PRKCQ: variants seen among roughly 807,000 people sequenced by gnomAD.
The protein encoded by PRKCQ is protein kinase C theta.
Under a neutral mutation model 91.2 loss-of-function variants are expected in PRKCQ, and 41 were observed. That is an observed-to-expected ratio of 0.45 (90% CI 0.35 to 0.58). PRKCQ has a LOEUF of 0.58. Ranked by LOEUF, PRKCQ falls within the 20% of genes least tolerant of loss-of-function variation. The pLI, the probability that PRKCQ is intolerant of heterozygous loss-of-function variation, is 0.00. For synonymous variants in PRKCQ, 307 were observed against 316.9 expected, an observed-to-expected ratio of 0.97 and a Z score of 0.33; for missense variants, 673 against 896.5, an observed-to-expected ratio of 0.75 and a Z score of 3.18.
intron 16 of PRKCQ, among the ~76,000 whole-genome samples, chr10:6,439,832 G>A (rs1833877933): frequency 6.6e-6 from 1 of 152,328 alleles, no homozygotes; most frequent in African/African-American, 2.4e-5. Context: ...GGACTCAAAA[G>A]CTATATGCAG....
At position 6,467,385 on chromosome 10, in the gene PRKCQ, CAGACAGAGAGAGAGAGAG is replaced by C. The variant is rs1835733213; in HGVS notation, c.1354-2999_1354-2982del. Among the ~76,000 whole-genome samples the C allele has an allele frequency of 1.8e-4, 7 of 39,498 alleles. No homozygotes were observed. The East Asian group carries it at 4.6e-3, about 26-fold the overall frequency. 25.9% of individuals were successfully genotyped at this position (39,498 alleles called of 152,430 possible). On this transcript the variant is annotated intron_variant, in intron 12 of 17. Transcript: ENST00000263125. ...AGAGAGAGAGAGAGACAGAGAGAGA[CAGACAGAGAGAGAGAGAG>C]AGAGAGAGAGAGAGAGAGAGAGAGA...
Position 6,465,798 on chromosome 10 carries a change from C to T in PRKCQ, c.1354-1394G>A, listed in dbSNP as rs986986246. The stretch of plus-strand genomic sequence containing the variant: ...AATAATCCAGGTCAAGGTAAGCATC[C>T]GTCTTTTTTCAATGTTAGTTTCCGA... On this transcript the variant is annotated intron_variant, in intron 12 of 17. Coordinates refer to ENST00000263125, the MANE Select transcript of PRKCQ (RefSeq NM_006257.5). The surrounding 1 kb of genome is among the most constrained non-coding windows in gnomAD (Gnocchi z 4.4). 2.0e-5 allele frequency among the ~76,000 whole-genome samples: 3 copies of T among 152,186 alleles called. No individual in the cohort carries two copies. The highest frequency in any genetic ancestry group is 1.9e-4 in the East Asian group (1 of 5,200).
chr10:6,520,158 C>G (rs1165606873), intron 1 of PRKCQ, among the ~76,000 whole-genome samples: 1 of 152,226 alleles, frequency 6.6e-6, no homozygotes, highest in Non-Finnish European at 1.5e-5. Context: ...ATTCGACTCT[C>G]TCCTGGAAAT....
chr10:6,434,171 C>T lies in PRKCQ; in HGVS notation c.1837-3233G>A, dbSNP rs1037390960. On this transcript the variant is annotated intron_variant, in intron 16 of 17. Transcript: ENST00000263125. ...GGATGAAACGAGATTAGATAGATGGCGTAAGTGTCTCAGGAAGGGGCCAAA... is the reference window on the plus strand; with the variant it reads ...GGATGAAACGAGATTAGATAGATGGTGTAAGTGTCTCAGGAAGGGGCCAAA... 5.9e-5 allele frequency among the ~76,000 whole-genome samples: 9 copies of T among 151,822 alleles called. No homozygotes were observed. In the East Asian group the frequency reaches 7.7e-4, roughly 13 times the overall value.
rs574501444 is a variant in PRKCQ at position 6,544,594 on chromosome 10, C to T, written c.-9-29450G>A. On this transcript the variant is annotated intron_variant, in intron 1 of 17. Coordinates refer to ENST00000263125, the MANE Select transcript of PRKCQ (RefSeq NM_006257.5). ...GTGATGACTGTTTAACCTCCTCTCT[C>T]GCCTAAGCAGTTGGAGATCCTACCC... 1.9e-3 allele frequency among the ~76,000 whole-genome samples: 282 copies of T among 151,656 alleles called. 2 individuals carry two copies. The highest frequency in any genetic ancestry group is 6.4e-3 in the African/African-American group (266 of 41,372).
At chr10:6,436,965 G>A (rs1833727901) in intron 16 of PRKCQ, among the ~76,000 whole-genome samples, 1 of 152,178 alleles carries the variant, frequency 6.6e-6, no homozygotes, top group Non-Finnish European at 1.5e-5. Flanking sequence ...GAAGCACAGG[G>A]GGAAGCTGGC....
chr10:6,433,003 GCTCT>G (rs1833497991), intron 16 of PRKCQ, among the ~76,000 whole-genome samples: 1 of 152,056 alleles, frequency 6.6e-6, no homozygotes, highest in Non-Finnish European at 1.5e-5. Context: ...CTGACAGGGA[GCTCT>G]CTCTCTTCTG....
rs1324830117 is a variant in PRKCQ at position 6,507,513 on chromosome 10, G to A, written c.319-17C>T. 6.2e-7 allele frequency: 1 copy of A among 1,608,484 alleles called. No individual in the cohort carries two copies. The highest frequency in any genetic ancestry group is 1.1e-5 in the South Asian group (1 of 90,938). ...CAGCTCTAACTGGTTGGGAGAAGGAGAGAAACATCAGTCAGAATGTGAAAC... is the reference window on the plus strand; with the variant it reads ...CAGCTCTAACTGGTTGGGAGAAGGAAAGAAACATCAGTCAGAATGTGAAAC... On this transcript the variant is annotated splice_polypyrimidine_tract_variant and intron_variant, in intron 3 of 17. Coordinates refer to ENST00000263125, the MANE Select transcript of PRKCQ (RefSeq NM_006257.5).
chr10:6,546,544 G>C (rs908106460), intron 1 of PRKCQ, among the ~76,000 whole-genome samples: 4 of 152,166 alleles, frequency 2.6e-5, no homozygotes, highest in African/African-American at 9.7e-5. Context: ...TCTGGTATTG[G>C]TGTATAAGAA....
At chr10:6,492,254 AAAT>A (rs1447708325) in intron 7 of PRKCQ, among the ~76,000 whole-genome samples, 13 of 148,582 alleles carry the variant, frequency 8.7e-5, no homozygotes, top group Non-Finnish European at 3.0e-5. Context: ...AAAAAAAAAA[AAAT>A]GCCTTCTTTA....
At chr10:6,468,540 T>A (rs1835801672) in intron 12 of PRKCQ, among the ~76,000 whole-genome samples, 1 of 152,218 alleles carries the variant, frequency 6.6e-6, no homozygotes, top group African/African-American at 2.4e-5. Context: ...CACTGAGAAC[T>A]TGGCAAATAT....
At chr10:6,442,549 T>C (rs1177335047) in intron 15 of PRKCQ, among the ~76,000 whole-genome samples, 1 of 152,166 alleles carries the variant, frequency 6.6e-6, no homozygotes, top group Non-Finnish European at 1.5e-5. Flanking sequence ...ATCTGGACAG[T>C]TCCCTTCCTT....
chr10:6,479,054 CTCTCT>C lies in PRKCQ; in HGVS notation c.1286_1290del (p.Lys429SerfsTer57). ...GGATGCTCCCAGGCCAAGGAAAGAA[CTCTCT>C]TCTCTACCATCGTGCACTCAACATC... On this transcript the variant is annotated frameshift_variant, in exon 12 of 18. Coordinates refer to ENST00000263125, the MANE Select transcript of PRKCQ (RefSeq NM_006257.5). LOFTEE classifies it high-confidence loss of function. 6.2e-7 allele frequency: 1 copy of C among 1,614,214 alleles called. No individual in the cohort carries two copies. Among genetic ancestry groups the C allele is most frequent in the African/African-American group, 1.3e-5 (1 of 75,062 alleles).
At chr10:6,447,455 ATTC>A (rs951819323) in intron 15 of PRKCQ, among the ~76,000 whole-genome samples, 4 of 151,214 alleles carry the variant, frequency 2.6e-5, no homozygotes, top group African/African-American at 9.7e-5. Context: ...CTGCCTTCCT[ATTC>A]TTTGTCAAAA....
chr10:6,557,498 A>G (rs543393243), intron 1 of PRKCQ, among the ~76,000 whole-genome samples: 5 of 152,038 alleles, frequency 3.3e-5, no homozygotes, highest in Non-Finnish European at 7.4e-5. Context: ...CTCACTCTTC[A>G]GCTTATTCTG....
chr10:6,417,499 C>CT, the PRKCQ span, among the ~76,000 whole-genome samples: 1 of 22,808 alleles, frequency 4.4e-5, no homozygotes, highest in Non-Finnish European at 1.2e-4. Flanking sequence ...TTCGGTCAAA[C>CT]CCCAAATTCG....
chr10:6,531,864 T>C (rs1305564783), intron 1 of PRKCQ, among the ~76,000 whole-genome samples: 2 of 152,208 alleles, frequency 1.3e-5, no homozygotes, highest in African/African-American at 4.8e-5. Flanking sequence ...TCTCGTGGTC[T>C]GCCCTCTCAT....
At chr10:6,442,719 T>C (rs1044241117) in intron 15 of PRKCQ, among the ~76,000 whole-genome samples, 1 of 152,168 alleles carries the variant, frequency 6.6e-6, no homozygotes, top group Non-Finnish European at 1.5e-5. Flanking sequence ...TCCAGCACTT[T>C]GGGAGGCCGA....
At chr10:6,484,417 A>G (rs958684769) in intron 10 of PRKCQ, among the ~76,000 whole-genome samples, 2 of 152,068 alleles carry the variant, frequency 1.3e-5, no homozygotes, top group Admixed American at 6.5e-5. Flanking sequence ...CTGTCTTCAA[A>G]AAAGAAAAAA....
Sources: allele counts gnomAD v4.1 joint callset (sites outside exome capture counted in the v4.1 genomes callset), GRCh38; gene constraint gnomAD v4.1.1; non-coding constraint Gnocchi (gnomAD v3.1); transcripts MANE v1.5; gene names NCBI Gene and HGNC (gene_info 2026-07-23, HGNC 2026-07-21).